The following RASSF5 variants were observed in gnomAD, a reference collection of about 807,000 sequenced individuals.
The protein encoded by RASSF5 is ras association domain-containing protein 5.
In RASSF5, 25 loss-of-function variants were observed where a neutral mutation model predicts 40.5. The observed-to-expected ratio is 0.62, with a 90% CI of 0.45 to 0.86. The LOEUF (loss-of-function observed/expected upper bound fraction) is 0.86. Ranked by LOEUF, RASSF5 falls within the 40% of genes least tolerant of loss-of-function variation. The probability of loss-of-function intolerance (pLI) is 0.00; values close to 1 mark genes in which losing one functional copy is unlikely to be tolerated. For missense variants in RASSF5, 521 were observed against 572.8 expected (o/e 0.91, Z 0.92); for synonymous variants, 246 against 252.4 (o/e 0.97, Z 0.24).
intron 2 of RASSF5, among the ~76,000 whole-genome samples, chr1:206,569,087 A>T (rs1281999861): frequency 6.6e-6 from 1 of 152,264 alleles, no homozygotes; most frequent in African/African-American, 2.4e-5. Context: ...GTAGGGGCCA[A>T]GGCAGAGCTT....
intron 1 of RASSF5, among the ~76,000 whole-genome samples, chr1:206,516,415 C>T (rs187567848): frequency 2.6e-5 from 4 of 152,118 alleles, no homozygotes; most frequent in Admixed American, 2.6e-4. Flanking sequence ...GCATATTCTG[C>T]AGCCCAAACG....
At chr1:206,530,372 T>C (rs1667206265) in intron 1 of RASSF5, among the ~76,000 whole-genome samples, 1 of 152,240 alleles carries the variant, frequency 6.6e-6, no homozygotes, top group Non-Finnish European at 1.5e-5. Context: ...CTACATAGTA[T>C]TCCATTTCAA....
chr1:206,529,101 C>G, intron 1 of RASSF5: 1 of 1,314,404 alleles, frequency 7.6e-7, no homozygotes, highest in Non-Finnish European at 1.1e-6. Context: ...GTTGCAAAGG[C>G]AGGGAGCCAT....
chr1:206,584,500 G>C lies in RASSF5; in HGVS notation c.804G>C (p.Val268=). ...PQSIYDAIKE[V]NLAATTDKRT... ...CCATCTATGATGCCATCAAGGAGGTGAACCTGGCGGCTACCACGGACAAGC... is the reference window on the plus strand; with the variant it reads ...CCATCTATGATGCCATCAAGGAGGTCAACCTGGCGGCTACCACGGACAAGC... Residue 268 remains valine (V), a synonymous_variant, in exon 4 of 6, where the codon GTG becomes GTC. Coordinates refer to ENST00000579436, the MANE Select transcript of RASSF5 (RefSeq NM_182663.4). This position sits in a 1 kb window ranked among gnomAD's most constrained non-coding sequence, Gnocchi z 4.9. The C allele has an allele frequency of 6.2e-7, 1 of 1,614,160 alleles. No homozygotes were observed. Among genetic ancestry groups the C allele is most frequent in the Non-Finnish European group, 8.5e-7 (1 of 1,180,006 alleles).
At position 206,575,621 on chromosome 1, in the gene RASSF5, C is replaced by T. The variant is rs1476856796; in HGVS notation, c.580-7648C>T. Among the ~76,000 whole-genome samples the T allele has an allele frequency of 6.6e-5, 10 of 152,158 alleles. No homozygotes were observed. The South Asian group carries it at 1.7e-3, about 25-fold the overall frequency. On this transcript the variant is annotated intron_variant, in intron 2 of 5. Coordinates refer to ENST00000579436, the MANE Select transcript of RASSF5 (RefSeq NM_182663.4). ...CCTCCAAGAGGCCCCCATCTCCACA[C>T]CCAATTCTCTGAAATAGAAGAGGAA...
intron 2 of RASSF5, among the ~76,000 whole-genome samples, chr1:206,561,086 G>T (rs1668124336): frequency 6.6e-6 from 1 of 152,164 alleles, no homozygotes. Context: ...CAGGCTCTGG[G>T]ACCCCAGGAC....
chr1:206,558,225 T>C (rs1553402074), intron 2 of RASSF5, among the ~76,000 whole-genome samples: 1 of 152,226 alleles, frequency 6.6e-6, no homozygotes, highest in African/African-American at 2.4e-5. Flanking sequence ...ACTTCTGGCC[T>C]AGGCTGCTGT....
rs1033301925 is a variant in RASSF5 at position 206,579,005 on chromosome 1, A to G, written c.580-4264A>G. Among the ~76,000 whole-genome samples the G allele has an allele frequency of 1.3e-5, 2 of 152,162 alleles. No individual in the cohort carries two copies. The highest frequency in any genetic ancestry group is 2.9e-5 in the Non-Finnish European group (2 of 68,014). On this transcript the variant is annotated intron_variant, in intron 2 of 5. Coordinates refer to ENST00000579436, the MANE Select transcript of RASSF5 (RefSeq NM_182663.4). This position sits in a 1 kb window ranked among gnomAD's most constrained non-coding sequence, Gnocchi z 4.2. ...TCCTTATTTTGTTAAGAATATTTAA[A>G]TGGAAGCATTAGAGAATCACTCAGG...
Position 206,584,522 on chromosome 1 carries a change from A to G in RASSF5, c.826A>G (p.Lys276Glu). 8 of 1,614,130 alleles carry G rather than the reference A, an allele frequency of 5.0e-6. No homozygotes were observed. The highest frequency in any genetic ancestry group is 5.9e-6 in the Non-Finnish European group (7 of 1,180,008). ...GGTGAACCTGGCGGCTACCACGGAC[A>G]AGCGGACATCCTTCTACCTGCCCCT... Reference protein sequence around the residue: ...KEVNLAATTDKRTSFYLPLDA... With the variant: ...KEVNLAATTDERTSFYLPLDA... The change falls in exon 4 of 6, where the codon AAG becomes GAG. Residue 276 changes from lysine to glutamate, a missense_variant. Physicochemically the swap from Lys to Glu is moderately conservative, Grantham distance 56. This residue lies in a region of RASSF5 where 284 missense variants were observed against 360.8 expected (regional missense o/e 0.79). Transcript: ENST00000579436. The surrounding 1 kb of genome is among the most constrained non-coding windows in gnomAD (Gnocchi z 4.9).
chr1:206,558,322 A>G (rs1668046588), intron 2 of RASSF5, among the ~76,000 whole-genome samples: 1 of 151,448 alleles, frequency 6.6e-6, no homozygotes, highest in Non-Finnish European at 1.5e-5. Flanking sequence ...TGTATTTCCT[A>G]AAGGTGTCCG....
intron 2 of RASSF5, among the ~76,000 whole-genome samples, chr1:206,563,775 C>G (rs1410954649): frequency 6.6e-6 from 1 of 152,166 alleles, no homozygotes; most frequent in African/African-American, 2.4e-5. Flanking sequence ...GTCACAGATT[C>G]CTAAGAGGTT....
chr1:206,525,777 G>T (rs1315954215), intron 1 of RASSF5, among the ~76,000 whole-genome samples: 1 of 152,112 alleles, frequency 6.6e-6, no homozygotes, highest in Non-Finnish European at 1.5e-5. Flanking sequence ...TATCTACTTT[G>T]GTGTCTGAGC....
chr1:206,573,349 C>G (rs1046149683), intron 2 of RASSF5, among the ~76,000 whole-genome samples: 10 of 152,112 alleles, frequency 6.6e-5, no homozygotes, highest in Admixed American at 6.5e-4. Context: ...TTCTCAAGAC[C>G]ATGTAGTGAG....
chr1:206,551,185 C>G (rs566347960), intron 2 of RASSF5, among the ~76,000 whole-genome samples: 1 of 152,172 alleles, frequency 6.6e-6, no homozygotes, highest in Admixed American at 6.5e-5. Context: ...ATACATTAGA[C>G]CCCACCTAGT....
chr1:206,557,288 G>C, intron 2 of RASSF5: 1 of 1,230,928 alleles, frequency 8.1e-7, no homozygotes, highest in Non-Finnish European at 1.0e-6. Flanking sequence ...GCCCGGACGA[G>C]TCAGGGAGTG....
intron 2 of RASSF5, among the ~76,000 whole-genome samples, chr1:206,546,684 C>A (rs1448650540): frequency 6.6e-6 from 1 of 152,172 alleles, no homozygotes; most frequent in Non-Finnish European, 1.5e-5. Flanking sequence ...ACCTAACCTA[C>A]CAAACAACAT....
At position 206,538,282 on chromosome 1, in the gene RASSF5, A is replaced by C. The variant is rs782236204; in HGVS notation, c.568A>C (p.Thr190Pro). ...CTCTCCAGAAAGCACCCTCACCGTGACCTTCAGCCAGGTAGGTGCCAAAGC... is the reference window on the plus strand; with the variant it reads ...CTCTCCAGAAAGCACCCTCACCGTGCCCTTCAGCCAGGTAGGTGCCAAAGC... The part of the protein sequence containing the change: ...RPSPESTLTV[T>P]FSQNVCKPVE... Residue 190 changes from threonine to proline, a missense_variant, in exon 2 of 6, where the codon ACC becomes CCC. By Grantham distance (38) the Thr-to-Pro change is conservative. Transcript: ENST00000579436. 2 of 1,613,732 alleles carry C rather than the reference A, an allele frequency of 1.2e-6. No individual in the cohort carries two copies. The highest frequency in any genetic ancestry group is 1.7e-6 in the Non-Finnish European group (2 of 1,180,006).
At chr1:206,508,370 T>TG (rs1553394185) in intron 1 of RASSF5, among the ~76,000 whole-genome samples, 2 of 150,016 alleles carry the variant, frequency 1.3e-5, no homozygotes. Flanking sequence ...ACACAGGTTG[T>TG]GGGGGGTGGG....
intron 1 of RASSF5, among the ~76,000 whole-genome samples, chr1:206,508,323 C>CACAT (rs1491221714): frequency 1.7e-5 from 1 of 59,100 alleles, no homozygotes; most frequent in African/African-American, 1.2e-4. Context: ...CTTGGCCCTC[C>CACAT]ACACACACAC....
Sources: allele counts gnomAD v4.1 joint callset (sites outside exome capture counted in the v4.1 genomes callset), GRCh38; gene constraint gnomAD v4.1.1; regional missense constraint gnomAD v4.1.1; non-coding constraint Gnocchi (gnomAD v3.1); transcripts MANE v1.5; gene names NCBI Gene and HGNC (gene_info 2026-07-23, HGNC 2026-07-21).